The following SIRPA variants were observed in gnomAD, a reference collection of about 807,000 sequenced individuals.
SIRPA encodes tyrosine-protein phosphatase non-receptor type substrate 1.
Under a neutral mutation model 50.3 loss-of-function variants are expected in SIRPA, and 9 were observed. That is an observed-to-expected ratio of 0.18 (90% CI 0.11 to 0.31). The LOEUF is 0.31. Among genes scored for constraint, SIRPA ranks in the 10% least tolerant of loss-of-function variants. The pLI, the probability that SIRPA is intolerant of heterozygous loss-of-function variation, is 1.00. For synonymous variants in SIRPA, 265 were observed against 284.1 expected, an observed-to-expected ratio of 0.93 and a Z score of 0.68; for missense variants, 474 against 661.6, an observed-to-expected ratio of 0.72 and a Z score of 3.11.
chr20:1,933,775 G>A lies in SIRPA; in HGVS notation c.1227-940G>A, dbSNP rs1257864684. On this transcript the variant is annotated intron_variant, in intron 6 of 7. Transcript: ENST00000358771. The surrounding 1 kb of genome is among the most constrained non-coding windows in gnomAD (Gnocchi z 4.4). Reference sequence around the variant, plus strand: ...AACATCCCCGGGGTTGCCGGCTTGAGAATTTACACAACTTCTGCCAAGCCA... The same window carrying A: ...AACATCCCCGGGGTTGCCGGCTTGAAAATTTACACAACTTCTGCCAAGCCA... 6.6e-6 allele frequency among the ~76,000 whole-genome samples: 1 copy of A among 152,160 alleles called. No homozygotes were observed. Among genetic ancestry groups the A allele is most frequent in the Non-Finnish European group, 1.5e-5 (1 of 68,024 alleles).
intron 1 of SIRPA, among the ~76,000 whole-genome samples, chr20:1,901,918 C>A (rs191066863): frequency 7.8e-4 from 119 of 152,256 alleles, no homozygotes; most frequent in African/African-American, 2.7e-3. Flanking sequence ...GGCGGTGATA[C>A]CAGCGCCGTT....
chr20:1,934,611 C>T lies in SIRPA; in HGVS notation c.1227-104C>T. ...CTGTTATGAGTCCTTCGTTCATGTC[C>T]TCAACCCATATAGAAAATGGAGCCT... On this transcript the variant is annotated intron_variant, in intron 6 of 7. Transcript: ENST00000358771. The surrounding 1 kb of genome is among the most constrained non-coding windows in gnomAD (Gnocchi z 4.6). The T allele has an allele frequency of 9.0e-7, 1 of 1,112,144 alleles. No individual in the cohort carries two copies. The highest frequency in any genetic ancestry group is 1.4e-6 in the Non-Finnish European group (1 of 735,810). The allele number at this position is 1,112,144 out of a possible 1,614,324, so 68.9% of individuals were successfully genotyped here.
At chr20:1,926,459 G>A (rs945199654) in intron 5 of SIRPA, among the ~76,000 whole-genome samples, 1 of 152,258 alleles carries the variant, frequency 6.6e-6, no homozygotes, top group Non-Finnish European at 1.5e-5. Flanking sequence ...GTGGGCTTAG[G>A]TGTTGCAGAG....
chr20:1,906,979 G>A (rs1185791895), intron 1 of SIRPA, among the ~76,000 whole-genome samples: 1 of 152,212 alleles, frequency 6.6e-6, no homozygotes, highest in Non-Finnish European at 1.5e-5. Flanking sequence ...CCTGTTTACA[G>A]GTGAGGAAAC....
chr20:1,907,874 A>G (rs1348911151), intron 1 of SIRPA, among the ~76,000 whole-genome samples: 2 of 152,204 alleles, frequency 1.3e-5, no homozygotes, highest in African/African-American at 4.8e-5. Context: ...CTTCTTGGGA[A>G]CTGTGGCATC....
chr20:1,927,923 C>G lies in SIRPA; in HGVS notation c.1226+24C>G, dbSNP rs1180513664. On this transcript the variant is annotated intron_variant, in intron 6 of 7. Transcript: ENST00000358771. This position sits in a 1 kb window ranked among gnomAD's most constrained non-coding sequence, Gnocchi z 6.5. ...AGGTAAGTGCATCATTGGTCCAGACCCTCTTGCAGTTATTATTTGGTTATT... is the reference window on the plus strand; with the variant it reads ...AGGTAAGTGCATCATTGGTCCAGACGCTCTTGCAGTTATTATTTGGTTATT... 6.8e-6 allele frequency: 11 copies of G among 1,607,252 alleles called. No homozygotes were observed. Among genetic ancestry groups the G allele is most frequent in the Non-Finnish European group, 9.4e-6 (11 of 1,173,740 alleles).
chr20:1,932,472 C>A lies in SIRPA; in HGVS notation c.1227-2243C>A, dbSNP rs1471029125. 2.6e-5 allele frequency among the ~76,000 whole-genome samples: 4 copies of A among 152,158 alleles called. No individual in the cohort carries two copies. Among genetic ancestry groups the A allele is most frequent in the Non-Finnish European group, 1.5e-5 (1 of 68,024 alleles). ...AGCAGTCAGATGCATGCACAGAACG[C>A]AGAGGAGGCCAGAGGAGCTGGAGCA... On this transcript the variant is annotated intron_variant, in intron 6 of 7. Transcript: ENST00000358771. This position sits in a 1 kb window ranked among gnomAD's most constrained non-coding sequence, Gnocchi z 6.0.
intron 1 of SIRPA, among the ~76,000 whole-genome samples, chr20:1,913,204 G>A (rs545854593): frequency 2.0e-5 from 3 of 152,342 alleles, no homozygotes; most frequent in South Asian, 4.1e-4. Context: ...CAGGTGGAGT[G>A]GTCTTAGGCA....
At position 1,922,321 on chromosome 20, in the gene SIRPA, A is replaced by G. The variant is rs1270564763; in HGVS notation, c.763A>G (p.Thr255Ala). 4 of 1,613,748 alleles carry G rather than the reference A, an allele frequency of 2.5e-6. No individual in the cohort carries two copies. Among genetic ancestry groups the G allele is most frequent in the Non-Finnish European group, 3.4e-6 (4 of 1,179,862 alleles). The part of the protein sequence containing the change: ...NLSETIRVPP[T>A]LEVTQQPVRA... ...GCCCTGTGCTGTTTCAGTTCCACCC[A>G]CCTTGGAGGTTACTCAACAGCCCGT... is the stretch of plus-strand genomic sequence containing the variant. The change falls in exon 4 of 8, where the codon ACC (threonine) becomes GCC (alanine). Residue 255 changes from threonine (T) to alanine (A), a missense_variant. Thr to Ala is a moderately conservative substitution (Grantham distance 58). Around this residue, in one of 4 missense-constraint regions of SIRPA, gnomAD observed 221 missense variants for 359.9 expected, o/e 0.61. Transcript: ENST00000358771.
At chr20:1,902,832 C>T (rs983317152) in intron 1 of SIRPA, among the ~76,000 whole-genome samples, 2 of 151,872 alleles carry the variant, frequency 1.3e-5, no homozygotes, top group Non-Finnish European at 2.9e-5. Context: ...GCCAACATGG[C>T]GAAATCCCAT....
chr20:1,894,903 G>A (rs1983669071), upstream of SIRPA: 1 of 147,078 alleles, frequency 6.8e-6, no homozygotes, highest in Non-Finnish European at 1.5e-5. This position sits in a 1 kb window ranked among gnomAD's most constrained non-coding sequence, Gnocchi z 4.0. Context: ...CGGGGGCAGC[G>A]GCCGGGACTG....
intron 1 of SIRPA, among the ~76,000 whole-genome samples, chr20:1,911,749 C>T (rs994115342): frequency 1.3e-5 from 2 of 152,140 alleles, no homozygotes; most frequent in Admixed American, 1.3e-4. Flanking sequence ...ACCGGCAGTG[C>T]GTGGGAATGC....
intron 1 of SIRPA, among the ~76,000 whole-genome samples, chr20:1,899,635 A>G (rs1320791180): frequency 6.6e-6 from 1 of 151,610 alleles, no homozygotes; most frequent in Admixed American, 6.6e-5. Context: ...TCTGAATCCT[A>G]CTCATCCTCC....
chr20:1,925,266 C>T (rs1278317881), intron 5 of SIRPA, among the ~76,000 whole-genome samples: 1 of 152,226 alleles, frequency 6.6e-6, no homozygotes, highest in South Asian at 2.1e-4. Context: ...TGACCAGTCC[C>T]TGGACAGGAG....
In SIRPA at chr20:1,937,172, AG is replaced by A. The variant is rs1275745147; in HGVS notation, c.1267-147del. On this transcript the variant is annotated intron_variant, in intron 7 of 7. Transcript: ENST00000358771. The surrounding 1 kb of genome is among the most constrained non-coding windows in gnomAD (Gnocchi z 8.3). ...AGGCTGGAGGCAAGTAACGTTGGCA[AG>A]AGATGAGGGGAACATGACTTATGGC... is the stretch of plus-strand genomic sequence containing the variant. 7 of 933,176 alleles carry A rather than the reference AG, an allele frequency of 7.5e-6. No individual in the cohort carries two copies. Among genetic ancestry groups the A allele is most frequent in the Non-Finnish European group, 1.1e-5 (7 of 625,768 alleles). The allele number at this position is 933,176 out of a possible 1,614,324, so 57.8% of individuals were successfully genotyped here. A position where few individuals can be genotyped will look rare whatever the true frequency, so the allele number is the denominator to read the frequency against.
At chr20:1,920,036 A>G (rs145681337) in intron 2 of SIRPA, among the ~76,000 whole-genome samples, 2,707 of 152,278 alleles carry the variant, frequency 0.018, 27 homozygotes, top group Non-Finnish European at 0.024. Flanking sequence ...CTGTGCTTGC[A>G]TTCATCCTCC....
At chr20:1,929,802 C>A (rs1312504165) in intron 6 of SIRPA, among the ~76,000 whole-genome samples, 2 of 152,200 alleles carry the variant, frequency 1.3e-5, no homozygotes, top group African/African-American at 4.8e-5. Flanking sequence ...GGTCACTCTT[C>A]CAAGGGCAAG....
At chr20:1,917,075 C>G (rs1985350507) in intron 2 of SIRPA, among the ~76,000 whole-genome samples, 2 of 152,164 alleles carry the variant, frequency 1.3e-5, no homozygotes, top group South Asian at 2.1e-4. Context: ...TCTGCTGACT[C>G]CTAGCAGAGT....
intron 1 of SIRPA, among the ~76,000 whole-genome samples, chr20:1,904,001 G>T (rs1425287917): frequency 6.6e-6 from 1 of 152,136 alleles, no homozygotes; most frequent in East Asian, 1.9e-4. Flanking sequence ...CAGTAGGTGG[G>T]TTAATAGATA....
Sources: allele counts gnomAD v4.1 joint callset (sites outside exome capture counted in the v4.1 genomes callset), GRCh38; gene constraint gnomAD v4.1.1; regional missense constraint gnomAD v4.1.1; non-coding constraint Gnocchi (gnomAD v3.1); transcripts MANE v1.5; gene names NCBI Gene and HGNC (gene_info 2026-07-23, HGNC 2026-07-21).